The following DIAPH2 variants were observed in gnomAD, a reference collection of about 807,000 sequenced individuals.
DIAPH2 encodes the protein protein diaphanous homolog 2.
A neutral mutation model predicts 92.7 loss-of-function variants in DIAPH2; 35 were observed. That is an observed-to-expected ratio of 0.38 (90% confidence interval 0.29 to 0.50). DIAPH2 has a LOEUF of 0.50. Ranked by LOEUF, DIAPH2 falls within the 20% of genes least tolerant of loss-of-function variation. The pLI, the probability that DIAPH2 is intolerant of heterozygous loss-of-function variation, is 0.94. For synonymous variants in DIAPH2, 301 were observed against 280.4 expected, an observed-to-expected ratio of 1.07 and a Z score of -0.73; for missense variants, 701 against 819.5, an observed-to-expected ratio of 0.86 and a Z score of 1.77.
intron 22 of DIAPH2, among the ~76,000 whole-genome samples, chrX:97,185,439 A>ATATATATATATGTATATATATATG (rs2067586170): frequency 1.8e-5 from 1 of 54,419 alleles, no homozygotes; most frequent in Non-Finnish European, 2.8e-5. Context: ...ATATATGTGT[A>ATATATATATATGTATATATATATG]TATATATATG....
chrX:96,814,690 G>A (rs6620173), intron 4 of DIAPH2, among the ~76,000 whole-genome samples: 11,418 of 111,369 alleles, frequency 0.1, 530 homozygotes, highest in East Asian at 0.32. Context: ...TTTGAAATGG[G>A]TGACCTCCAG....
intron 23 of DIAPH2, among the ~76,000 whole-genome samples, chrX:97,300,909 G>T (rs2068692350): frequency 1.4e-5 from 1 of 72,443 alleles, no homozygotes; most frequent in Non-Finnish European, 2.4e-5. Context: ...TCCAGCCTGG[G>T]CCACAGAGCA....
intron 4 of DIAPH2, among the ~76,000 whole-genome samples, chrX:96,791,928 G>C: frequency 9.0e-6 from 1 of 111,078 alleles, no homozygotes; most frequent in South Asian, 3.8e-4. Flanking sequence ...TGTGCCTGAT[G>C]CTCAACCCTG....
chrX:96,867,022 A>G (rs752034881), intron 4 of DIAPH2, among the ~76,000 whole-genome samples: 11 of 111,861 alleles, frequency 9.8e-5, no homozygotes. Context: ...GCAGAAACAG[A>G]TGGTTGGTAA....
intron 15 of DIAPH2, chrX:96,954,126 A>G (rs17322367): frequency 0.32 from 35,993 of 111,193 alleles, 5,241 homozygotes; most frequent in South Asian, 0.54. Context: ...ATCCCAGTCG[A>G]GCGTCAAGGC....
intron 22 of DIAPH2, among the ~76,000 whole-genome samples, chrX:97,186,210 G>T (rs2067603688): frequency 9.0e-6 from 1 of 111,461 alleles, no homozygotes; most frequent in South Asian, 3.7e-4. Flanking sequence ...GTCCCTTTGG[G>T]TTTTGTGTCA....
intron 10 of DIAPH2, among the ~76,000 whole-genome samples, chrX:96,935,262 G>C (rs976491777): frequency 1.2e-4 from 13 of 111,052 alleles, no homozygotes; most frequent in Middle Eastern, 9.6e-3. Flanking sequence ...TTTTTATTCA[G>C]TAAATGATTA....
chrX:97,403,420 T>C (rs773079152), intron 25 of DIAPH2, among the ~76,000 whole-genome samples: 1 of 112,394 alleles, frequency 8.9e-6, no homozygotes, highest in South Asian at 3.7e-4. Flanking sequence ...TTCTTATCTC[T>C]CTTAAAGTAG....
rs187006177 is a variant in DIAPH2, at chrX:97,091,548, C to T, written c.2248-8146C>T. Among the ~76,000 whole-genome samples the T allele has an allele frequency of 5.6e-3, 625 of 111,613 alleles. 5 individuals carry two copies. The highest frequency in any genetic ancestry group is 0.019 in the African/African-American group (583 of 30,707). ...TCTCAGACTCCCTAATAGCTGGAAC[C>T]GAAACAAGTCTTTTTGAAAGACTTT... is the stretch of plus-strand genomic sequence containing the variant. On this transcript the variant is annotated intron_variant, in intron 19 of 26. Transcript: ENST00000324765.
intron 17 of DIAPH2, among the ~76,000 whole-genome samples, chrX:97,029,146 CTTTTTTTTT>C: frequency 1.1e-5 from 1 of 92,701 alleles, no homozygotes; most frequent in African/African-American, 3.8e-5. Context: ...TTTTCTTTTT[CTTTTTTTTT>C]TTTTTTTAGT....
At chrX:96,898,782 T>C (rs1409109686) in intron 5 of DIAPH2, among the ~76,000 whole-genome samples, 2 of 107,069 alleles carry the variant, frequency 1.9e-5, no homozygotes, top group Non-Finnish European at 3.9e-5. Flanking sequence ...TTTGGTGTTT[T>C]AGACACGAAG....
rs763853221 is a variant in DIAPH2 at position 96,935,436 on chromosome X, C to A, written c.1090-1797C>A. On this transcript the variant is annotated intron_variant, in intron 10 of 26. Coordinates refer to ENST00000324765, the MANE Select transcript of DIAPH2 (RefSeq NM_006729.5). ...TTGCGAACTGCACCTTGAATCAAAA[C>A]CATATACAGTAGGTCCTTGAATAAT... is the stretch of plus-strand genomic sequence containing the variant. 8.1e-5 allele frequency among the ~76,000 whole-genome samples: 9 copies of A among 110,976 alleles called. No homozygotes were observed. In the East Asian group the frequency reaches 2.5e-3, roughly 31 times the overall value.
intron 25 of DIAPH2, among the ~76,000 whole-genome samples, chrX:97,421,724 C>T (rs1373620551): frequency 1.8e-5 from 2 of 111,768 alleles, no homozygotes; most frequent in African/African-American, 3.3e-5. Flanking sequence ...TTGCATGCTA[C>T]GGTGAGGCTG....
At chrX:97,575,052 A>G (rs1211830228) in intron 26 of DIAPH2, among the ~76,000 whole-genome samples, 1 of 112,720 alleles carries the variant, frequency 8.9e-6, no homozygotes, top group African/African-American at 3.2e-5. Context: ...GAGGATAAAA[A>G]AGGGAAGGAT....
At chrX:97,295,781 G>C in intron 23 of DIAPH2, among the ~76,000 whole-genome samples, 1 of 106,556 alleles carries the variant, frequency 9.4e-6, no homozygotes, top group Non-Finnish European at 1.9e-5. Context: ...GCCTATGCTG[G>C]AGTGCAATGG....
intron 4 of DIAPH2, among the ~76,000 whole-genome samples, chrX:96,863,655 C>A (rs1303419201): frequency 9.1e-6 from 1 of 110,350 alleles, no homozygotes; most frequent in African/African-American, 3.3e-5. Flanking sequence ...TCATTTTTTA[C>A]CTAATTGAAA....
intron 17 of DIAPH2, among the ~76,000 whole-genome samples, chrX:97,053,551 A>T (rs188171132): frequency 5.5e-4 from 61 of 110,861 alleles, no homozygotes; most frequent in African/African-American, 1.9e-3. Flanking sequence ...GCCTTTTCTG[A>T]TGTAACTTAG....
chrX:97,209,119 C>T (rs1159894045), intron 22 of DIAPH2, among the ~76,000 whole-genome samples: 6 of 110,861 alleles, frequency 5.4e-5, no homozygotes, highest in Non-Finnish European at 7.6e-5. Flanking sequence ...CATAACTTAA[C>T]ATTTTCTGTC....
In DIAPH2 at chrX:96,800,386, C is replaced by T. The variant is rs2064573576; in HGVS notation, c.447+42128C>T. Reference sequence around the variant, plus strand: ...TAGCACTATCTCATTTTTACATTTCCTGTGTTGTCTCTGTAGATGGTTAGA... The same window carrying T: ...TAGCACTATCTCATTTTTACATTTCTTGTGTTGTCTCTGTAGATGGTTAGA... On this transcript the variant is annotated intron_variant, in intron 4 of 26. Coordinates refer to ENST00000324765, the MANE Select transcript of DIAPH2 (RefSeq NM_006729.5). 3.6e-5 allele frequency among the ~76,000 whole-genome samples: 4 copies of T among 111,615 alleles called. No homozygotes were observed. The South Asian group carries it at 1.5e-3, about 42-fold the overall frequency.
Sources: gnomAD v4.1 joint callset for allele counts (sites outside exome capture counted in the v4.1 genomes callset) on GRCh38, gnomAD v4.1.1 for gene constraint, MANE v1.5 for transcripts, NCBI Gene and HGNC (gene_info 2026-07-23, HGNC 2026-07-21) for gene names.